Variants in WDR7 observed in about 807,000 individuals in gnomAD.
The protein encoded by WDR7 is WD repeat-containing protein 7.
WDR7 carries 46 observed loss-of-function variants against 169.4 expected under a neutral mutation model. That is an observed-to-expected ratio of 0.27 (90% CI 0.21 to 0.35). The LOEUF (loss-of-function observed/expected upper bound fraction) is 0.35. Ranked by LOEUF, WDR7 falls within the 10% of genes least tolerant of loss-of-function variation. The pLI is 1.00. For missense variants in WDR7, 1,534 were observed against 1,859.3 expected, an observed-to-expected ratio of 0.83 and a Z score of 3.22; for synonymous variants, 612 against 666.8, an observed-to-expected ratio of 0.92 and a Z score of 1.27.
intron 15 of WDR7, among the ~76,000 whole-genome samples, chr18:56,758,196 T>G (rs1433741919): frequency 6.6e-6 from 1 of 152,214 alleles, no homozygotes; most frequent in African/African-American, 2.4e-5. Context: ...TTATACTCTA[T>G]TGAGCATTTA....
intron 27 of WDR7, among the ~76,000 whole-genome samples, chr18:57,022,040 C>T (rs926467081): frequency 2.0e-5 from 3 of 152,198 alleles, no homozygotes; most frequent in African/African-American, 7.2e-5. Flanking sequence ...CAGAATATAT[C>T]TCCAGCATCT....
intron 1 of WDR7, among the ~76,000 whole-genome samples, chr18:56,671,912 C>T (rs1480108279): frequency 6.6e-6 from 1 of 152,154 alleles, no homozygotes; most frequent in Non-Finnish European, 1.5e-5. Flanking sequence ...TTCATAATTA[C>T]TGTCTAGTGG....
chr18:56,878,588 T>C (rs2046061879), intron 20 of WDR7, among the ~76,000 whole-genome samples: 1 of 152,212 alleles, frequency 6.6e-6, no homozygotes, highest in Non-Finnish European at 1.5e-5. Flanking sequence ...GTATGTTGTA[T>C]AAAATTCATC....
At chr18:56,657,265 C>G (rs2024797483) in intron 1 of WDR7, among the ~76,000 whole-genome samples, 1 of 151,708 alleles carries the variant, frequency 6.6e-6, no homozygotes, top group Admixed American at 6.6e-5. Flanking sequence ...TCAAGCGTTT[C>G]TCCTGCCTCA....
intron 20 of WDR7, among the ~76,000 whole-genome samples, chr18:56,846,544 A>G (rs932032164): frequency 2.0e-5 from 3 of 152,160 alleles, no homozygotes; most frequent in South Asian, 2.1e-4. Flanking sequence ...ATGTGGAACT[A>G]TAAGTCCAAT....
chr18:56,938,005 T>C (rs2046982332), intron 23 of WDR7, among the ~76,000 whole-genome samples: 1 of 152,208 alleles, frequency 6.6e-6, no homozygotes, highest in Non-Finnish European at 1.5e-5. Context: ...TAAGTGAAAG[T>C]GGATCATCAT....
downstream of WDR7, chr18:57,032,801 T>TTATATATATATATACATA (rs2048448071): frequency 1.4e-4 from 15 of 106,190 alleles, no homozygotes; most frequent in African/African-American, 4.8e-4. Context: ...TATAATTATT[T>TTATATATATATATACATA]TATATATATA....
At chr18:56,903,020 C>G (rs2046424299) in intron 21 of WDR7, among the ~76,000 whole-genome samples, 1 of 152,138 alleles carries the variant, frequency 6.6e-6, no homozygotes. Context: ...CAGAACCTTT[C>G]TGAAATAAAT....
At chr18:56,708,255 A>G (rs916727253) in intron 12 of WDR7, among the ~76,000 whole-genome samples, 1 of 151,932 alleles carries the variant, frequency 6.6e-6, no homozygotes, top group Non-Finnish European at 1.5e-5. Context: ...GCTGGTCTCA[A>G]ACTCCTGACC....
chr18:56,735,617 G>A (rs963337435), intron 14 of WDR7, among the ~76,000 whole-genome samples: 1 of 152,054 alleles, frequency 6.6e-6, no homozygotes, highest in Non-Finnish European at 1.5e-5. Flanking sequence ...AAATAGGTGA[G>A]GTAGTTCTTA....
chr18:56,663,511 A>G (rs533989622), intron 1 of WDR7, among the ~76,000 whole-genome samples: 22 of 152,252 alleles, frequency 1.4e-4, no homozygotes, highest in African/African-American at 5.1e-4. Flanking sequence ...TTAGGGGTGA[A>G]TCATCATGGT....
chr18:56,912,901 G>T (rs376182378), intron 21 of WDR7, among the ~76,000 whole-genome samples: 1 of 150,946 alleles, frequency 6.6e-6, no homozygotes, highest in Non-Finnish European at 1.5e-5. Context: ...TTTTGAGACG[G>T]TCTCACTCTG....
intron 12 of WDR7, 111 bp from the exon 13 acceptor site, chr18:56,717,853 T>C: frequency 9.5e-7 from 1 of 1,056,044 alleles, no homozygotes. Flanking sequence ...ATTGTGGTGG[T>C]TTTTCAGTGG....
intron 26 of WDR7, among the ~76,000 whole-genome samples, chr18:56,996,088 G>GTT (rs955429048): frequency 6.6e-6 from 1 of 152,140 alleles, no homozygotes; most frequent in African/African-American, 2.4e-5. Context: ...TTTAAAGTGA[G>GTT]TTTAGAAGTA....
chr18:56,957,619 G>A (rs1452823585), intron 25 of WDR7: 1 of 152,048 alleles, frequency 6.6e-6, no homozygotes, highest in Non-Finnish European at 1.5e-5. Context: ...TAATACCTCG[G>A]TTACTTTTGA....
chr18:56,711,459 A>G (rs1330492154), intron 12 of WDR7, among the ~76,000 whole-genome samples: 2 of 152,116 alleles, frequency 1.3e-5, no homozygotes, highest in African/African-American at 4.8e-5. Flanking sequence ...ATCTTGTATT[A>G]AATCCTTCAT....
In WDR7 at chr18:56,691,201, C is replaced by A. The variant is rs766235819; in HGVS notation, c.718-15C>A. 2.5e-6 allele frequency: 4 copies of A among 1,599,152 alleles called. No individual in the cohort carries two copies. The South Asian group carries it at 4.5e-5, about 18-fold the overall frequency. On this transcript the variant is annotated splice_polypyrimidine_tract_variant and intron_variant, in intron 7 of 27. Transcript: ENST00000254442. The stretch of plus-strand genomic sequence containing the variant: ...ACAATATGGAGTAGATTGTGAATTT[C>A]TTTCTTCCTTGCAGGTGTTCGATGC...
downstream of WDR7, chr18:57,032,814 T>TATATATATATATAC (rs2048449123): frequency 2.9e-5 from 2 of 68,250 alleles, no homozygotes; most frequent in African/African-American, 2.6e-4. Context: ...TATATATATA[T>TATATATATATATAC]ATATATATAT....
chr18:57,029,895 AT>A (rs1599261063), downstream of WDR7: 2 of 152,128 alleles, frequency 1.3e-5, no homozygotes, highest in Non-Finnish European at 2.9e-5. Context: ...CTAATCATTC[AT>A]TTCCCTGGAG....
Sources: gnomAD v4.1 joint callset for allele counts (sites outside exome capture counted in the v4.1 genomes callset) on GRCh38, gnomAD v4.1.1 for gene constraint, MANE v1.5 for transcripts, NCBI Gene and HGNC (gene_info 2026-07-23, HGNC 2026-07-21) for gene names.